Variants in ZNF514 observed in about 807,000 individuals in gnomAD.
The protein encoded by ZNF514 is zinc finger protein 514.
ZNF514 carries 12 observed loss-of-function variants against 9.7 expected under a neutral mutation model. That is an observed-to-expected ratio of 1.24 (90% CI 0.79 to 2.01). ZNF514 has a LOEUF of 2.01. Among genes scored for constraint, ZNF514 ranks in the 30% most tolerant of loss-of-function variants. The pLI is 0.00. For missense variants in ZNF514, 467 were observed against 465.5 expected (o/e 1.00, Z -0.03); for synonymous variants, 158 against 163.7 (o/e 0.97, Z 0.27).
chr2:95,124,150 T>C, the ZNF514 span, among the ~76,000 whole-genome samples: 3 of 152,232 alleles, frequency 2.0e-5, no homozygotes, highest in African/African-American at 7.2e-5. Flanking sequence ...AGAACTGTTC[T>C]ATCTCCAAGA....
the ZNF514 span, among the ~76,000 whole-genome samples, chr2:95,133,368 A>T: frequency 6.6e-6 from 1 of 152,218 alleles, no homozygotes; most frequent in Non-Finnish European, 1.5e-5. Flanking sequence ...TCAACTTCAA[A>T]AGGTCACATA....
chr2:95,147,092 C>A lies in ZNF514; in HGVS notation c.*2190G>T, dbSNP rs1673379155. Among the ~76,000 whole-genome samples, 1 of 152,158 alleles carries A rather than the reference C, an allele frequency of 6.6e-6. No individual in the cohort carries two copies. Among genetic ancestry groups the A allele is most frequent in the African/African-American group, 2.4e-5 (1 of 41,426 alleles). On this transcript the variant is annotated 3_prime_UTR_variant, in exon 5 of 5. Coordinates refer to ENST00000295208, the MANE Select transcript of ZNF514 (RefSeq NM_032788.3). ...AGTATTTTCCTCAGTATAAGCTAATCCTTATTAGGCAAGTATCCTTTGGTC... is the reference window on the plus strand; with the variant it reads ...AGTATTTTCCTCAGTATAAGCTAATACTTATTAGGCAAGTATCCTTTGGTC...
chr2:95,138,786 T>C, the ZNF514 span, among the ~76,000 whole-genome samples: 1 of 152,168 alleles, frequency 6.6e-6, no homozygotes. Context: ...GATATTTGCA[T>C]AACTAAAAAG....
Position 95,159,643 on chromosome 2 carries a change from GCCACC to G in ZNF514, c.-504_-500del, listed in dbSNP as rs1558705138. 6.6e-4 allele frequency: 23 copies of G among 35,036 alleles called. No individual in the cohort carries two copies. Among genetic ancestry groups the G allele is most frequent in the African/African-American group, 1.8e-3 (18 of 10,076 alleles). 2.2% of individuals were successfully genotyped at this position (35,036 alleles called of 1,614,324 possible). A position where few individuals can be genotyped will look rare whatever the true frequency, so the allele number is the denominator to read the frequency against. On this transcript the variant is annotated 5_prime_UTR_variant, in exon 1 of 5. Coordinates refer to ENST00000295208, the MANE Select transcript of ZNF514 (RefSeq NM_032788.3). ...CGCCACCCCGCGCCAGCCCCCGCCCGCCACCCCGCGCCAGCCCCCGCCCGCCACCC... is the reference window on the plus strand; with the variant it reads ...CGCCACCCCGCGCCAGCCCCCGCCCGCCGCGCCAGCCCCCGCCCGCCACCC...
rs1381329195 is a variant in ZNF514 at position 95,159,812 on chromosome 2, G to C, written c.-668C>G. Among the ~76,000 whole-genome samples, 1 of 151,642 alleles carries C rather than the reference G, an allele frequency of 6.6e-6. No individual in the cohort carries two copies. The highest frequency in any genetic ancestry group is 1.5e-5 in the Non-Finnish European group (1 of 67,870). ...GCGGCCGCCGCCGGGGCCCTTCAGA[G>C]CCAGCGCCGGTGGCGGGGTGCTGGC... On this transcript the variant is annotated 5_prime_UTR_variant, in exon 1 of 5. Transcript: ENST00000295208.
chr2:95,149,747 G>A lies in ZNF514; in HGVS notation c.738C>T (p.Ser246=). The change falls in exon 5 of 5, where the codon TCC becomes TCT. Residue 246 remains serine (S), a synonymous_variant. Transcript: ENST00000295208. The part of the protein sequence containing the change: ...DCGRAFGHIS[S]LIKHQRTHTG... Reference sequence around the variant, plus strand: ...TATGAGTTCTTTGATGTTTAATAAGGGATGAAATATGACCAAAGGCTCTTC... The same window carrying A: ...TATGAGTTCTTTGATGTTTAATAAGAGATGAAATATGACCAAAGGCTCTTC... The A allele has an allele frequency of 6.2e-7, 1 of 1,614,136 alleles. No individual in the cohort carries two copies. Among genetic ancestry groups the A allele is most frequent in the Non-Finnish European group, 8.5e-7 (1 of 1,180,032 alleles).
rs115110206 is a variant in ZNF514, at chr2:95,158,839, G to A, written c.-96+401C>T. 3,974 of 1,286,814 alleles carry A rather than the reference G, an allele frequency of 3.1e-3. 15 individuals are homozygous for A. Among genetic ancestry groups the A allele is most frequent in the Non-Finnish European group, 3.5e-3 (3,445 of 987,130 alleles). The allele number at this position is 1,286,814 out of a possible 1,614,324, so 79.7% of individuals were successfully genotyped here. A position where few individuals can be genotyped will look rare whatever the true frequency, so the allele number is the denominator to read the frequency against. On this transcript the variant is annotated intron_variant, in intron 1 of 4. Transcript: ENST00000295208. ...AAGGTTAGATGTCGCCACACGGAAGGCAGATGAAGTACAGCCTCACCCTTC... is the reference window on the plus strand; with the variant it reads ...AAGGTTAGATGTCGCCACACGGAAGACAGATGAAGTACAGCCTCACCCTTC...
At chr2:95,138,675 G>A in the ZNF514 span, among the ~76,000 whole-genome samples, 1 of 152,242 alleles carries the variant, frequency 6.6e-6, no homozygotes, top group African/African-American at 2.4e-5. Flanking sequence ...GAAGTAGAGT[G>A]TAAAAGTTTG....
rs1290229965 is a variant in ZNF514 at position 95,145,627 on chromosome 2, G to A, written c.*3655C>T. Among the ~76,000 whole-genome samples, 1 of 152,050 alleles carries A rather than the reference G, an allele frequency of 6.6e-6. No individual in the cohort carries two copies. ...AATCTTTGAATCCACCTATAACCCA[G>A]AAGGCCCTCCCTCTGTCCCTGTCCC... is the stretch of plus-strand genomic sequence containing the variant. On this transcript the variant is annotated 3_prime_UTR_variant, in exon 5 of 5. Coordinates refer to ENST00000295208, the MANE Select transcript of ZNF514 (RefSeq NM_032788.3).
chr2:95,141,077 G>A (rs1676821818), downstream of ZNF514, among the ~76,000 whole-genome samples: 2 of 152,024 alleles, frequency 1.3e-5, no homozygotes, highest in Non-Finnish European at 2.9e-5. Context: ...AATATACATT[G>A]GGTACAGTAT....
chr2:95,139,702 C>T, the ZNF514 span, among the ~76,000 whole-genome samples: 4 of 152,060 alleles, frequency 2.6e-5, no homozygotes, highest in South Asian at 8.3e-4. Flanking sequence ...TGAGTTAAGA[C>T]TTTGGAAAAC....
At chr2:95,141,187 A>G (rs979510709), downstream of ZNF514, among the ~76,000 whole-genome samples, 1 of 152,156 alleles carries the variant, frequency 6.6e-6, no homozygotes, top group African/African-American at 2.4e-5. Flanking sequence ...ACCCAGTCTC[A>G]GGTATTTCTT....
chr2:95,144,145 GGAC>G (rs1303076800), downstream of ZNF514, among the ~76,000 whole-genome samples: 4 of 152,192 alleles, frequency 2.6e-5, no homozygotes, highest in African/African-American at 9.6e-5. Context: ...ACACTCAGCT[GGAC>G]TGGCAAAGCA....
chr2:95,128,369 G>A, the ZNF514 span, among the ~76,000 whole-genome samples: 8 of 147,138 alleles, frequency 5.4e-5, no homozygotes, highest in East Asian at 8.1e-4. Flanking sequence ...CAGCCTGGGC[G>A]ACACGAGCAA....
Position 95,152,741 on chromosome 2 carries a change from G to C in ZNF514, c.150C>G (p.Ile50Met), listed in dbSNP as rs750083475. ...GCTCACCCCCTTCCTCCAACTGGCA[G>C]ATCACATATGGTTTGGATACTAGAA... is the stretch of plus-strand genomic sequence containing the variant. ...LGLLVSKPYV[I>M]CQLEEGGEPF... The change falls in exon 4 of 5, where the codon ATC (isoleucine) becomes ATG (methionine). Residue 50 changes from isoleucine to methionine, a missense_variant. Ile to Met is a conservative substitution (Grantham distance 10, BLOSUM62 1). Transcript: ENST00000295208. 1.7e-5 allele frequency: 28 copies of C among 1,614,100 alleles called. No individual in the cohort carries two copies. Among genetic ancestry groups the C allele is most frequent in the Non-Finnish European group, 2.2e-5 (26 of 1,180,050 alleles).
rs1470151230 is a variant in ZNF514 at position 95,159,410 on chromosome 2, C to T, written c.-266G>A. The T allele has an allele frequency of 6.1e-6, 1 of 163,954 alleles. No individual in the cohort carries two copies. The highest frequency in any genetic ancestry group is 6.1e-5 in the Admixed American group (1 of 16,472). 10.2% of individuals were successfully genotyped at this position (163,954 alleles called of 1,614,324 possible). On this transcript the variant is annotated 5_prime_UTR_variant, in exon 1 of 5. In the 5' UTR this introduces an upstream ATG that the reference lacks. Coordinates refer to ENST00000295208, the MANE Select transcript of ZNF514 (RefSeq NM_032788.3). ...CAGCAGGGATTCGGTGAGAGCCTCA[C>T]AGGAGCAGGGACCGACTCTATCAGC...
intron 2 of ZNF514, chr2:95,155,085 A>AT (rs1673653577): frequency 6.6e-6 from 1 of 152,358 alleles, no homozygotes; most frequent in Non-Finnish European, 1.5e-5. Context: ...AACTGGAAAC[A>AT]AATTCATAAA....
At chr2:95,130,518 T>C in the ZNF514 span, among the ~76,000 whole-genome samples, 1 of 152,206 alleles carries the variant, frequency 6.6e-6, no homozygotes, top group African/African-American at 2.4e-5. Flanking sequence ...ATCTCGACCA[T>C]AAGAGACAGG....
chr2:95,134,795 C>T, the ZNF514 span, among the ~76,000 whole-genome samples: 1 of 152,108 alleles, frequency 6.6e-6, no homozygotes, highest in African/African-American at 2.4e-5. Flanking sequence ...GGTAAGAGTC[C>T]AGTTTTTGCA....
Sources: allele counts gnomAD v4.1 joint callset (sites outside exome capture counted in the v4.1 genomes callset), GRCh38; gene constraint gnomAD v4.1.1; transcripts MANE v1.5; gene names NCBI Gene and HGNC (gene_info 2026-07-23, HGNC 2026-07-21).